Variants in RAB11FIP4 observed in about 807,000 individuals in gnomAD.
The protein encoded by RAB11FIP4 is RAB11 family interacting protein 4, also known as rab11 family-interacting protein 4.
Under a neutral mutation model 74.3 loss-of-function variants are expected in RAB11FIP4, and 23 were observed. The observed-to-expected ratio is 0.31, with a 90% confidence interval of 0.22 to 0.44. The LOEUF is 0.44. RAB11FIP4 is among the 20% of genes least tolerant of loss of function. The probability of loss-of-function intolerance (pLI) is 1.00; values close to 1 mark genes in which losing one functional copy is unlikely to be tolerated. For synonymous variants in RAB11FIP4, 360 were observed against 359.9 expected (o/e 1.00, Z 0.00); for missense variants, 630 against 863.9 (o/e 0.73, Z 3.39).
At chr17:31,500,096 C>A (rs1411478126) in intron 3 of RAB11FIP4, among the ~76,000 whole-genome samples, 1 of 152,152 alleles carries the variant, frequency 6.6e-6, no homozygotes, top group Non-Finnish European at 1.5e-5. Flanking sequence ...AGGAAATGGG[C>A]TTACTGGGGC....
At chr17:31,455,014 C>T (rs547718100) in intron 3 of RAB11FIP4, among the ~76,000 whole-genome samples, 1 of 152,266 alleles carries the variant, frequency 6.6e-6, no homozygotes, top group East Asian at 1.9e-4. Flanking sequence ...CCTGTCTGAA[C>T]AAGTCTGTAG....
At chr17:31,517,212 G>T (rs2072573097) in intron 3 of RAB11FIP4, among the ~76,000 whole-genome samples, 1 of 126,412 alleles carries the variant, frequency 7.9e-6, no homozygotes, top group Non-Finnish European at 1.7e-5. Context: ...GCGGTGGGGG[G>T]GGCGGGGGGG....
intron 3 of RAB11FIP4, chr17:31,488,264 G>A: frequency 8.5e-7 from 1 of 1,174,230 alleles, no homozygotes; most frequent in Non-Finnish European, 1.1e-6. Context: ...GCCAGCTCTC[G>A]GGAGCCAGGT....
At chr17:31,398,625 G>A (rs2070954322) in intron 1 of RAB11FIP4, among the ~76,000 whole-genome samples, 1 of 152,226 alleles carries the variant, frequency 6.6e-6, no homozygotes, top group Non-Finnish European at 1.5e-5. Flanking sequence ...TCCCTTATGG[G>A]CGTCCAGCCC....
At chr17:31,420,212 G>A (rs1312474512) in intron 1 of RAB11FIP4, among the ~76,000 whole-genome samples, 1 of 152,038 alleles carries the variant, frequency 6.6e-6, no homozygotes, top group Non-Finnish European at 1.5e-5. Context: ...TTTAAAGGAT[G>A]TAAGACTGTA....
At chr17:31,479,450 C>A (rs1183410092) in intron 3 of RAB11FIP4, among the ~76,000 whole-genome samples, 1 of 152,176 alleles carries the variant, frequency 6.6e-6, no homozygotes, top group Admixed American at 6.5e-5. Flanking sequence ...TAACCATTCC[C>A]CAGGTGATTA....
intron 3 of RAB11FIP4, 52 bp from the exon 4 acceptor site, chr17:31,517,599 G>T (rs1180007212): frequency 1.3e-6 from 2 of 1,518,832 alleles, no homozygotes; most frequent in Non-Finnish European, 1.8e-6. Context: ...TTGGAACACT[G>T]AGCCCTGGGA....
At chr17:31,460,832 G>A (rs2071626804) in intron 3 of RAB11FIP4, among the ~76,000 whole-genome samples, 1 of 152,042 alleles carries the variant, frequency 6.6e-6, no homozygotes, top group African/African-American at 2.4e-5. Flanking sequence ...CTAGGCTCAA[G>A]TGATCCTCCC....
intron 3 of RAB11FIP4, among the ~76,000 whole-genome samples, chr17:31,497,686 A>G (rs1294839859): frequency 2.0e-5 from 3 of 152,100 alleles, no homozygotes; most frequent in Non-Finnish European, 4.4e-5. Flanking sequence ...TGGGCTGTTC[A>G]TGGAAGTCGG....
chr17:31,425,184 G>C (rs1743925171), intron 1 of RAB11FIP4, among the ~76,000 whole-genome samples: 1 of 152,152 alleles, frequency 6.6e-6, no homozygotes, highest in South Asian at 2.1e-4. Context: ...GAATAATAAT[G>C]GTATCTGCTT....
At chr17:31,460,602 T>C (rs1407255105) in intron 3 of RAB11FIP4, among the ~76,000 whole-genome samples, 1 of 152,238 alleles carries the variant, frequency 6.6e-6, no homozygotes, top group Non-Finnish European at 1.5e-5. Flanking sequence ...TTCTATTTTC[T>C]GGCAAAGAAC....
At chr17:31,500,276 G>A (rs923226582) in intron 3 of RAB11FIP4, among the ~76,000 whole-genome samples, 2 of 152,118 alleles carry the variant, frequency 1.3e-5, no homozygotes, top group African/African-American at 2.4e-5. Flanking sequence ...AGTGGCGGGG[G>A]TGGGGCTCGG....
At chr17:31,478,905 C>T (rs2071820654) in intron 3 of RAB11FIP4, among the ~76,000 whole-genome samples, 1 of 152,190 alleles carries the variant, frequency 6.6e-6, no homozygotes, top group African/African-American at 2.4e-5. Flanking sequence ...GAACTTGAGG[C>T]CTTTAATTGC....
At chr17:31,403,617 C>T (rs1210076971) in intron 1 of RAB11FIP4, among the ~76,000 whole-genome samples, 2 of 152,116 alleles carry the variant, frequency 1.3e-5, no homozygotes, top group Admixed American at 6.5e-5. Context: ...CCACCGCGCC[C>T]GGCCCTGCCT....
chr17:31,425,358 G>A (rs1403582227), intron 1 of RAB11FIP4, among the ~76,000 whole-genome samples: 1 of 152,186 alleles, frequency 6.6e-6, no homozygotes, highest in East Asian at 1.9e-4. Context: ...GGCAAGATAA[G>A]CCGGCTTATC....
At chr17:31,481,141 C>T (rs1036427795) in intron 3 of RAB11FIP4, among the ~76,000 whole-genome samples, 3 of 152,130 alleles carry the variant, frequency 2.0e-5, no homozygotes, top group African/African-American at 7.2e-5. Context: ...AACAAACGAT[C>T]CCTTCACCTG....
At chr17:31,458,637 G>T (rs753321436) in intron 3 of RAB11FIP4, among the ~76,000 whole-genome samples, 1 of 152,158 alleles carries the variant, frequency 6.6e-6, no homozygotes, top group Non-Finnish European at 1.5e-5. Flanking sequence ...CCTGGCTGTG[G>T]GGCTTCTGGG....
At chr17:31,475,031 G>T (rs987225686) in intron 3 of RAB11FIP4, among the ~76,000 whole-genome samples, 3 of 152,160 alleles carry the variant, frequency 2.0e-5, no homozygotes, top group African/African-American at 7.2e-5. Flanking sequence ...GCATAATGTG[G>T]TGAGGAGAGG....
intron 2 of RAB11FIP4, 24 bp downstream of exon 2, chr17:31,431,924 C>T: frequency 6.4e-7 from 1 of 1,556,214 alleles, no homozygotes; most frequent in South Asian, 1.1e-5. Flanking sequence ...GGGAGGCTTT[C>T]CCAGGCGCTC....
Sources: allele counts gnomAD v4.1 joint callset (sites outside exome capture counted in the v4.1 genomes callset), GRCh38; gene constraint gnomAD v4.1.1; transcripts MANE v1.5; gene names NCBI Gene and HGNC (gene_info 2026-07-23, HGNC 2026-07-21).